The following ANKRD30B variants were observed in gnomAD, a reference collection of about 807,000 sequenced individuals.
ANKRD30B encodes the protein ankyrin repeat domain 30B.
A neutral mutation model predicts 202.2 loss-of-function variants in ANKRD30B; 144 were observed. The observed-to-expected ratio is 0.71, with a 90% CI of 0.62 to 0.82. The LOEUF (loss-of-function observed/expected upper bound fraction) is 0.82, where lower values mean the gene tolerates loss of function less well. Ranked by LOEUF, ANKRD30B falls within the 40% of genes least tolerant of loss-of-function variation. The pLI is 0.00. For synonymous variants in ANKRD30B, 508 were observed against 561.3 expected (o/e 0.91, Z 1.34); for missense variants, 1,487 against 1,669.1 (o/e 0.89, Z 1.90).
In ANKRD30B at chr18:14,837,633, A is replaced by C; in HGVS notation, c.2945A>C (p.Glu982Ala). The C allele has an allele frequency of 2.0e-6, 3 of 1,536,844 alleles. No individual in the cohort carries two copies. Among genetic ancestry groups the C allele is most frequent in the Non-Finnish European group, 2.6e-6 (3 of 1,142,750 alleles). Residue 982 changes from glutamate (E) to alanine (A), a missense_variant, in exon 36 of 44, where the codon GAA (glutamate) becomes GCA (alanine). This residue lies in a region of ANKRD30B where 218 missense variants were observed against 320.1 expected (regional missense o/e 0.68). Transcript: ENST00000690538. ...TTTGTAGATAAGATGCCCACATCAG[A>C]ATTAGGAAGAAAAGAAGATACAAAA... ...QDQTNKMPTS[E>A]LGRKEDTKST...
the ANKRD30B span, among the ~76,000 whole-genome samples, chr18:14,867,312 AG>A: frequency 3.1e-5 from 1 of 31,758 alleles, no homozygotes; most frequent in African/African-American, 1.2e-4. Context: ...GCTTGTGGGG[AG>A]GGGGGGCAGG....
At chr18:14,767,476 G>C (rs1916425595) in intron 7 of ANKRD30B, among the ~76,000 whole-genome samples, 1 of 152,168 alleles carries the variant, frequency 6.6e-6, no homozygotes, top group African/African-American at 2.4e-5. Context: ...GTCTCTCAAA[G>C]TGTCTTGTAT....
In ANKRD30B at chr18:14,791,431, G is replaced by A. The variant is rs1320674092; in HGVS notation, c.1765G>A (p.Val589Met). The change falls in exon 16 of 44, where the codon GTG (valine) becomes ATG (methionine). Residue 589 changes from valine (V) to methionine (M), a missense_variant. Coordinates refer to ENST00000690538, the MANE Select transcript of ANKRD30B (RefSeq NM_001367607.2). ...SPCETVSQKDVYLPKATHQKE... is the reference protein window; with the variant it reads ...SPCETVSQKDMYLPKATHQKE... The stretch of plus-strand genomic sequence containing the variant: ...CTGTGAGACGGTTTCACAGAAGGAT[G>A]TGTATTTACCCAAAGCTACACATCA... The A allele has an allele frequency of 1.3e-5, 21 of 1,610,616 alleles. No individual in the cohort carries two copies. The highest frequency in any genetic ancestry group is 5.4e-5 in the African/African-American group (4 of 74,704).
the ANKRD30B span, among the ~76,000 whole-genome samples, chr18:14,928,462 A>G: frequency 6.6e-6 from 1 of 152,190 alleles, no homozygotes; most frequent in African/African-American, 2.4e-5. Flanking sequence ...TGGCCTCAAC[A>G]GAAAGAACAA....
chr18:14,880,566 GTT>G, the ANKRD30B span, among the ~76,000 whole-genome samples: 26 of 128,738 alleles, frequency 2.0e-4, no homozygotes, highest in South Asian at 4.5e-3. Flanking sequence ...TTCTTTCTTG[GTT>G]TTTTTTTTTT....
At chr18:14,872,618 C>G in the ANKRD30B span, among the ~76,000 whole-genome samples, 7 of 152,006 alleles carry the variant, frequency 4.6e-5, no homozygotes, top group Middle Eastern at 3.2e-3. Flanking sequence ...TTATGGTTCT[C>G]CTTTTAAGTA....
At chr18:14,895,880 T>G in the ANKRD30B span, among the ~76,000 whole-genome samples, 21 of 152,156 alleles carry the variant, frequency 1.4e-4, no homozygotes, top group African/African-American at 4.8e-4. Context: ...AGAAAAAGGA[T>G]GAAAAGCTGA....
rs1971250867 is a variant in ANKRD30B, at chr18:14,837,893, G to C, written c.2988+217G>C. Among the ~76,000 whole-genome samples, 11 of 152,276 alleles carry C rather than the reference G, an allele frequency of 7.2e-5. No individual in the cohort carries two copies. The South Asian group carries it at 2.3e-3, about 32-fold the overall frequency. The stretch of plus-strand genomic sequence containing the variant: ...TAGCTGGGCATGGTGGCGGGCACCT[G>C]TAGTCCCAGCTATTTGGGAGACTGA... On this transcript the variant is annotated intron_variant, in intron 36 of 43. Transcript: ENST00000690538.
At chr18:14,828,149 C>T (rs1970741199) in intron 32 of ANKRD30B, 129 bp from the exon 33 acceptor site, 1 of 691,036 alleles carries the variant, frequency 1.4e-6, no homozygotes, top group Non-Finnish European at 2.4e-6. Context: ...CTCAGATGAT[C>T]CTCCTGCCTC....
chr18:14,934,594 G>T, the ANKRD30B span, among the ~76,000 whole-genome samples: 9 of 152,312 alleles, frequency 5.9e-5, no homozygotes, highest in South Asian at 1.7e-3. Flanking sequence ...ATCAGAGGGA[G>T]TGGGATGAAA....
the ANKRD30B span, among the ~76,000 whole-genome samples, chr18:14,902,639 C>T: frequency 1.3e-5 from 2 of 152,132 alleles, no homozygotes; most frequent in East Asian, 3.9e-4. Flanking sequence ...AACGTCCACT[C>T]TCAACCTCAC....
chr18:14,895,139 C>T, the ANKRD30B span, among the ~76,000 whole-genome samples: 9 of 146,474 alleles, frequency 6.1e-5, no homozygotes, highest in African/African-American at 1.3e-4. Context: ...GGACTACTGG[C>T]GGGTAGTAGA....
At chr18:14,918,100 C>T in the ANKRD30B span, among the ~76,000 whole-genome samples, 6 of 152,088 alleles carry the variant, frequency 3.9e-5, no homozygotes, top group Non-Finnish European at 5.9e-5. Flanking sequence ...GAAGGACTCC[C>T]GTACTCAGGC....
intron 5 of ANKRD30B, among the ~76,000 whole-genome samples, chr18:14,759,782 G>A (rs1297797731): frequency 6.6e-6 from 1 of 152,186 alleles, no homozygotes; most frequent in African/African-American, 2.4e-5. Flanking sequence ...TTATAAAATA[G>A]CTTAGATGCC....
At chr18:14,901,804 T>C in the ANKRD30B span, among the ~76,000 whole-genome samples, 4 of 152,336 alleles carry the variant, frequency 2.6e-5, no homozygotes, top group East Asian at 5.8e-4. Flanking sequence ...GATTGAGATG[T>C]CATATTTTCA....
chr18:14,787,241 A>T lies in ANKRD30B; in HGVS notation c.1734+141A>T, dbSNP rs1968149557. ...TGATATTTTTCAGAATACGCTTAAT[A>T]GAGAATATATGTGCTAAGTAGATTA... On this transcript the variant is annotated intron_variant, in intron 15 of 43. Transcript: ENST00000690538. 3 of 699,528 alleles carry T rather than the reference A, an allele frequency of 4.3e-6. No individual in the cohort carries two copies. The Admixed American group carries it at 9.5e-5, about 22-fold the overall frequency. 43.3% of individuals were successfully genotyped at this position (699,528 alleles called of 1,614,324 possible).
chr18:14,799,990 G>T (rs1253618245), intron 22 of ANKRD30B, among the ~76,000 whole-genome samples: 5 of 151,930 alleles, frequency 3.3e-5, no homozygotes, highest in African/African-American at 1.2e-4. Context: ...TGGCAATTTA[G>T]GAGACCAAGG....
the ANKRD30B span, among the ~76,000 whole-genome samples, chr18:14,881,175 G>A: frequency 1.3e-5 from 2 of 152,168 alleles, no homozygotes; most frequent in Non-Finnish European, 2.9e-5. Flanking sequence ...TTCTCAAAGG[G>A]AATGCTTTCA....
In ANKRD30B at chr18:14,748,412, C is replaced by T; in HGVS notation, c.-8C>T. 2.0e-6 allele frequency: 3 copies of T among 1,479,500 alleles called. No individual in the cohort carries two copies. The highest frequency in any genetic ancestry group is 2.7e-6 in the Non-Finnish European group (3 of 1,112,094). The allele number at this position is 1,479,500 out of a possible 1,614,324, so 91.6% of individuals were successfully genotyped here. On this transcript the variant is annotated 5_prime_UTR_variant, in exon 1 of 44. Coordinates refer to ENST00000690538, the MANE Select transcript of ANKRD30B (RefSeq NM_001367607.2). The stretch of plus-strand genomic sequence containing the variant: ...GGCGCGGGCTCTCTCTAGCAGGGGG[C>T]TGCAGCCATGAAGAGGCTCTTAGCT...
Sources: allele counts gnomAD v4.1 joint callset (sites outside exome capture counted in the v4.1 genomes callset), GRCh38; gene constraint gnomAD v4.1.1; regional missense constraint gnomAD v4.1.1; transcripts MANE v1.5; gene names NCBI Gene and HGNC (gene_info 2026-07-23, HGNC 2026-07-21).